Variants in GRM7 observed in about 807,000 individuals in gnomAD.
The protein encoded by GRM7 is glutamate metabotropic receptor 7.
GRM7 carries 35 observed loss-of-function variants against 84.5 expected under a neutral mutation model. The observed-to-expected ratio is 0.41, with a 90% CI of 0.32 to 0.55. The LOEUF is 0.55. Among genes scored for constraint, GRM7 ranks in the 20% least tolerant of loss-of-function variants. The pLI is 0.19. For missense variants in GRM7, 1,003 were observed against 1,194.6 expected (o/e 0.84, Z 2.36); for synonymous variants, 487 against 455.1 (o/e 1.07, Z -0.89).
intron 2 of GRM7, among the ~76,000 whole-genome samples, chr3:7,167,923 C>T (rs1020985278): frequency 1.6e-5 from 2 of 121,980 alleles, no homozygotes; most frequent in African/African-American, 6.0e-5. Flanking sequence ...GAGCCAAGAT[C>T]ACGCCACTGC....
chr3:7,560,437 G>A (rs914739042), intron 7 of GRM7: 2 of 152,166 alleles, frequency 1.3e-5, no homozygotes, highest in South Asian at 4.1e-4. Flanking sequence ...CTCTCACGCA[G>A]AGTGTTTTAT....
intron 6 of GRM7, among the ~76,000 whole-genome samples, chr3:7,458,619 C>T (rs182384414): frequency 1.3e-5 from 2 of 152,122 alleles, no homozygotes; most frequent in African/African-American, 4.8e-5. Flanking sequence ...GTGACAAGAC[C>T]GTTTCTTCTA....
chr3:7,605,363 G>C (rs1696514476), intron 8 of GRM7, among the ~76,000 whole-genome samples: 1 of 152,016 alleles, frequency 6.6e-6, no homozygotes, highest in Non-Finnish European at 1.5e-5. Context: ...TTGTTTCTGT[G>C]GCATGCAAAA....
At chr3:7,382,106 C>T (rs1430110309) in intron 4 of GRM7, among the ~76,000 whole-genome samples, 3 of 152,026 alleles carry the variant, frequency 2.0e-5, no homozygotes, top group African/African-American at 7.2e-5. Context: ...TATAATGATC[C>T]TTCTTTTCTC....
At chr3:6,980,858 G>A (rs1694171890) in intron 1 of GRM7, among the ~76,000 whole-genome samples, 1 of 152,194 alleles carries the variant, frequency 6.6e-6, no homozygotes. Context: ...TAGAGAAATA[G>A]GAAAAGGCTA....
intron 2 of GRM7, among the ~76,000 whole-genome samples, chr3:7,191,927 T>C (rs1459558927): frequency 6.6e-6 from 1 of 152,106 alleles, no homozygotes; most frequent in Admixed American, 6.6e-5. Context: ...TATACCCCTA[T>C]TAATATTTCT....
intron 4 of GRM7, among the ~76,000 whole-genome samples, chr3:7,345,250 T>C (rs1188078737): frequency 3.3e-5 from 5 of 151,972 alleles, no homozygotes; most frequent in African/African-American, 1.2e-4. Flanking sequence ...ATTTTAACTC[T>C]GTCTCATATC....
At chr3:7,664,972 G>T (rs1417324717) in intron 8 of GRM7, among the ~76,000 whole-genome samples, 2 of 152,014 alleles carry the variant, frequency 1.3e-5, no homozygotes. Flanking sequence ...TATTTAATTT[G>T]TATATTATTT....
At chr3:7,660,731 A>G (rs1377367517) in intron 8 of GRM7, among the ~76,000 whole-genome samples, 1 of 152,232 alleles carries the variant, frequency 6.6e-6, no homozygotes, top group Non-Finnish European at 1.5e-5. Flanking sequence ...TCTGATTTCA[A>G]GAATTATTAT....
intron 8 of GRM7, among the ~76,000 whole-genome samples, chr3:7,614,772 T>C (rs1404723312): frequency 6.6e-6 from 1 of 152,230 alleles, no homozygotes; most frequent in Non-Finnish European, 1.5e-5. Flanking sequence ...ATCAATTTTC[T>C]GATAATGCTA....
chr3:7,549,977 A>C (rs1026308969), intron 7 of GRM7, among the ~76,000 whole-genome samples: 3 of 152,162 alleles, frequency 2.0e-5, no homozygotes, highest in African/African-American at 7.2e-5. Flanking sequence ...TGCTCTTTTT[A>C]TATATCCTTC....
chr3:7,731,200 G>GA (rs1163575668), intron 9 of GRM7, among the ~76,000 whole-genome samples: 5 of 151,388 alleles, frequency 3.3e-5, no homozygotes, highest in Non-Finnish European at 1.5e-5. Flanking sequence ...AAAAGAGGGG[G>GA]AAAAAAAGAA....
At chr3:7,128,449 C>T (rs182058673) in intron 1 of GRM7, among the ~76,000 whole-genome samples, 4 of 150,536 alleles carry the variant, frequency 2.7e-5, no homozygotes, top group Admixed American at 1.3e-4. Flanking sequence ...TTATGTTTTA[C>T]AGCTCTAGGT....
chr3:7,034,351 C>A (rs1287836697), intron 1 of GRM7, among the ~76,000 whole-genome samples: 2 of 151,940 alleles, frequency 1.3e-5, no homozygotes, highest in Non-Finnish European at 2.9e-5. Context: ...AATTAACCAA[C>A]TTTGGGAGGA....
chr3:7,668,494 T>G (rs1465861211), intron 8 of GRM7, among the ~76,000 whole-genome samples: 1 of 152,216 alleles, frequency 6.6e-6, no homozygotes, highest in Non-Finnish European at 1.5e-5. Flanking sequence ...ATGTACACAT[T>G]TAAATATGGA....
chr3:7,566,057 T>C (rs1306592316), intron 7 of GRM7, among the ~76,000 whole-genome samples: 1 of 151,234 alleles, frequency 6.6e-6, no homozygotes, highest in African/African-American at 2.4e-5. Flanking sequence ...AAATCCACCA[T>C]GCACTAAGGA....
chr3:7,149,997 G>T (rs771134429), intron 2 of GRM7, among the ~76,000 whole-genome samples: 1 of 151,964 alleles, frequency 6.6e-6, no homozygotes, highest in Non-Finnish European at 1.5e-5. Flanking sequence ...GATGTAAGAT[G>T]GATATGAAGA....
At chr3:7,436,392 C>G (rs1160823907) in intron 5 of GRM7, among the ~76,000 whole-genome samples, 1 of 152,032 alleles carries the variant, frequency 6.6e-6, no homozygotes, top group African/African-American at 2.4e-5. Context: ...GTCTTACCTT[C>G]TTTTCTTTTT....
At chr3:7,114,252 T>C (rs1381169835) in intron 1 of GRM7, among the ~76,000 whole-genome samples, 2 of 152,204 alleles carry the variant, frequency 1.3e-5, no homozygotes, top group African/African-American at 2.4e-5. Flanking sequence ...CTTAACATTG[T>C]AATGGTTTAA....
Sources: gnomAD v4.1 joint callset for allele counts (sites outside exome capture counted in the v4.1 genomes callset) on GRCh38, gnomAD v4.1.1 for gene constraint, MANE v1.5 for transcripts, NCBI Gene and HGNC (gene_info 2026-07-23, HGNC 2026-07-21) for gene names.